LRP1B: variants seen among roughly 807,000 people sequenced by gnomAD.
The protein encoded by LRP1B is LDL receptor related protein 1B, also known as low-density lipoprotein receptor-related protein 1B.
In LRP1B, 217 loss-of-function variants were observed where a neutral mutation model predicts 556.6. That is an observed-to-expected ratio of 0.39 (90% CI 0.35 to 0.44). LRP1B has a LOEUF of 0.44. Ranked by LOEUF, LRP1B falls within the 20% of genes least tolerant of loss-of-function variation. The pLI is 1.00. For synonymous variants in LRP1B, 2,047 were observed against 1,865.8 expected (o/e 1.10, Z -2.50); for missense variants, 5,053 against 5,620.8 (o/e 0.90, Z 3.23).
At chr2:141,365,457 A>G (rs1268309946) in intron 3 of LRP1B, among the ~76,000 whole-genome samples, 1 of 148,704 alleles carries the variant, frequency 6.7e-6, no homozygotes, top group African/African-American at 2.5e-5. Context: ...TTCTAATAAT[A>G]TATTCTAAAG....
intron 15 of LRP1B, among the ~76,000 whole-genome samples, chr2:140,999,076 G>T (rs1180531118): frequency 6.6e-6 from 1 of 151,904 alleles, no homozygotes; most frequent in Non-Finnish European, 1.5e-5. Context: ...GCAAACTAAG[G>T]CTAACATATC....
chr2:141,957,391 G>T (rs376972536), intron 1 of LRP1B, among the ~76,000 whole-genome samples: 4 of 124,780 alleles, frequency 3.2e-5, no homozygotes, highest in East Asian at 3.0e-4. Flanking sequence ...TGTGGGGGGG[G>T]GGGGGCGGGG....
chr2:141,871,803 A>G (rs1346490480), intron 1 of LRP1B, among the ~76,000 whole-genome samples: 1 of 151,986 alleles, frequency 6.6e-6, no homozygotes, highest in Non-Finnish European at 1.5e-5. Context: ...CTCCACTCAC[A>G]CTTCAAAGTC....
intron 1 of LRP1B, among the ~76,000 whole-genome samples, chr2:141,814,597 G>A (rs1159718322): frequency 1.3e-5 from 2 of 152,148 alleles, no homozygotes; most frequent in Admixed American, 1.3e-4. Context: ...CAAATATTAT[G>A]TTCACCATCT....
chr2:141,898,778 CAAG>C, intron 1 of LRP1B, among the ~76,000 whole-genome samples: 1 of 152,190 alleles, frequency 6.6e-6, no homozygotes, highest in Non-Finnish European at 1.5e-5. Context: ...ATATTACCTA[CAAG>C]TCATCACTAT....
Position 141,612,138 on chromosome 2 carries a change from G to C in LRP1B, c.206-131605C>G, listed in dbSNP as rs1390968054. 2.0e-5 allele frequency among the ~76,000 whole-genome samples: 3 copies of C among 152,164 alleles called. No individual in the cohort carries two copies. The South Asian group carries it at 6.2e-4, about 31-fold the overall frequency. Reference sequence around the variant, plus strand: ...CCAAATAAAGCTTCATTAAATGACTGCTTCAGAATTAGTCATCCAGGATGT... The same window carrying C: ...CCAAATAAAGCTTCATTAAATGACTCCTTCAGAATTAGTCATCCAGGATGT... On this transcript the variant is annotated intron_variant, in intron 2 of 90. Coordinates refer to ENST00000389484, the MANE Select transcript of LRP1B (RefSeq NM_018557.3).
intron 3 of LRP1B, among the ~76,000 whole-genome samples, chr2:141,319,486 G>A (rs35190283): frequency 0.05 from 7,549 of 151,748 alleles, 631 homozygotes; most frequent in African/African-American, 0.17. Flanking sequence ...GTTGAGGTGA[G>A]GGTTGTATAT....
chr2:140,615,091 A>G (rs1246298442), intron 41 of LRP1B, among the ~76,000 whole-genome samples: 1 of 152,126 alleles, frequency 6.6e-6, no homozygotes, highest in African/African-American at 2.4e-5. Context: ...AGAGTTATGT[A>G]ACAGAGGCCT....
intron 41 of LRP1B, among the ~76,000 whole-genome samples, chr2:140,661,934 C>G (rs1685111381): frequency 6.6e-6 from 1 of 152,074 alleles, no homozygotes; most frequent in Non-Finnish European, 1.5e-5. Context: ...AACAATTTAT[C>G]TAATTGAAAC....
chr2:140,541,198 A>T, intron 44 of LRP1B, 100 bp from the exon 45 acceptor site: 1 of 964,560 alleles, frequency 1.0e-6, no homozygotes, highest in South Asian at 1.7e-5. Flanking sequence ...CAATCTCTCA[A>T]TAATATGTCA....
chr2:140,525,086 T>C (rs1282603092), intron 49 of LRP1B, among the ~76,000 whole-genome samples: 3 of 151,898 alleles, frequency 2.0e-5, no homozygotes, highest in Admixed American at 6.6e-5. Flanking sequence ...GAATATAATT[T>C]CTTAAAATTG....
chr2:141,126,249 G>A (rs1701207636), intron 7 of LRP1B, among the ~76,000 whole-genome samples: 1 of 152,076 alleles, frequency 6.6e-6, no homozygotes, highest in Admixed American at 6.6e-5. Context: ...GGCCAGGCTG[G>A]TCTCAAACTC....
chr2:141,602,585 T>C (rs1024168437), intron 2 of LRP1B, among the ~76,000 whole-genome samples: 8 of 152,192 alleles, frequency 5.3e-5, no homozygotes, highest in African/African-American at 1.9e-4. Context: ...AAAGCAGCTG[T>C]TCTCAAAATA....
At chr2:141,379,206 A>T (rs978530466) in intron 3 of LRP1B, among the ~76,000 whole-genome samples, 4 of 152,216 alleles carry the variant, frequency 2.6e-5, no homozygotes, top group African/African-American at 7.2e-5. Context: ...ATAGAGTGGC[A>T]TAACTATTTT....
chr2:142,084,804 A>G (rs1705850184), intron 1 of LRP1B, among the ~76,000 whole-genome samples: 2 of 152,180 alleles, frequency 1.3e-5, no homozygotes, highest in African/African-American at 2.4e-5. Context: ...AAAGAACACT[A>G]TCTCTTCCTG....
At chr2:140,454,738 T>C (rs1184472269) in intron 62 of LRP1B, among the ~76,000 whole-genome samples, 6 of 152,208 alleles carry the variant, frequency 3.9e-5, no homozygotes, top group African/African-American at 1.2e-4. Context: ...TTTGTTGGCA[T>C]TGGATAAACA....
intron 86 of LRP1B, among the ~76,000 whole-genome samples, chr2:140,268,802 AG>A (rs941259201): frequency 6.6e-6 from 1 of 151,916 alleles, no homozygotes; most frequent in African/African-American, 2.4e-5. Flanking sequence ...ACTGTAAAAA[AG>A]GTCTTACTCT....
rs1707193674 is a variant in LRP1B, at chr2:142,115,592, T to TTATATATGTAATATATATTA, written c.82+15036_82+15055dup. 1.5e-4 allele frequency among the ~76,000 whole-genome samples: 3 copies of TTATATATGTAATATATATTA among 20,648 alleles called. 1 individual carries two copies. Among genetic ancestry groups the TTATATATGTAATATATATTA allele is most frequent in the East Asian group, 5.5e-3 (2 of 362 alleles). 13.5% of individuals were successfully genotyped at this position (20,648 alleles called of 152,430 possible). The stretch of plus-strand genomic sequence containing the variant: ...ATATATTATATATGTAATATATATA[T>TTATATATGTAATATATATTA]TATATATGTAATATATATTATATAT... On this transcript the variant is annotated intron_variant, in intron 1 of 90. Coordinates refer to ENST00000389484, the MANE Select transcript of LRP1B (RefSeq NM_018557.3).
intron 3 of LRP1B, among the ~76,000 whole-genome samples, chr2:141,313,411 T>C (rs916801937): frequency 6.6e-6 from 1 of 151,976 alleles, no homozygotes; most frequent in Admixed American, 6.5e-5. Flanking sequence ...TCAAAAACAA[T>C]GAAAGCTTTT....
Sources: allele counts gnomAD v4.1 joint callset (sites outside exome capture counted in the v4.1 genomes callset), GRCh38; gene constraint gnomAD v4.1.1; transcripts MANE v1.5; gene names NCBI Gene and HGNC (gene_info 2026-07-23, HGNC 2026-07-21).